The following ZNF117 variants were observed in gnomAD, a reference collection of about 807,000 sequenced individuals.
The protein encoded by ZNF117 is zinc finger protein 117, also known as Krueppel-related zinc finger protein.
In ZNF117, 37 loss-of-function variants were observed where a neutral mutation model predicts 41.2. The observed-to-expected ratio is 0.90, with a 90% CI of 0.69 to 1.18. ZNF117 has a LOEUF of 1.18. ZNF117 is among the 50% of genes most tolerant of loss of function. The pLI is 0.00. For synonymous variants in ZNF117, 186 were observed against 186.6 expected, an observed-to-expected ratio of 1.00 and a Z score of 0.02; for missense variants, 546 against 557.5, an observed-to-expected ratio of 0.98 and a Z score of 0.21.
exon 3 of ZNF117, chr7:64,975,423 T>C (rs1785862787): frequency 6.6e-6 from 1 of 151,816 alleles, no homozygotes; most frequent in Non-Finnish European, 1.5e-5. Flanking sequence ...ATATTATAAA[T>C]TAAACACAAA....
At chr7:64,973,505 G>C (rs1785815512), downstream of ZNF117, 1 of 151,862 alleles carries the variant, frequency 6.6e-6, no homozygotes, top group African/African-American at 2.4e-5. Flanking sequence ...AATGCTAACT[G>C]ATTTAATCCT....
exon 3 of ZNF117, chr7:64,975,539 A>AT (rs1345552259): frequency 6.6e-6 from 1 of 151,642 alleles, no homozygotes; most frequent in Non-Finnish European, 1.5e-5. Flanking sequence ...AGAATGTCTC[A>AT]TATCTTTGAT....
chr7:64,988,103 T>C (rs1786174334), intron 1 of ZNF117, among the ~76,000 whole-genome samples: 1 of 152,122 alleles, frequency 6.6e-6, no homozygotes, highest in East Asian at 1.9e-4. Context: ...CAACTCATTA[T>C]ATAAGAATGT....
intron 1 of ZNF117, among the ~76,000 whole-genome samples, chr7:64,989,662 A>G (rs1020427356): frequency 4.0e-5 from 6 of 151,444 alleles, no homozygotes; most frequent in Middle Eastern, 3.4e-3. Context: ...GAAACAATCA[A>G]CTGAATAAAC....
chr7:64,985,866 C>T (rs367605971), upstream of ZNF117, among the ~76,000 whole-genome samples: 22 of 140,284 alleles, frequency 1.6e-4, 1 homozygote, highest in East Asian at 2.4e-3. Flanking sequence ...AGGCTGAGTA[C>T]ACTTGAACCC....
At chr7:64,989,494 TATATAA>T (rs1187605266) in intron 1 of ZNF117, among the ~76,000 whole-genome samples, 1 of 89,462 alleles carries the variant, frequency 1.1e-5, no homozygotes, top group Non-Finnish European at 2.1e-5. Flanking sequence ...TATATATATA[TATATAA>T]AACCTGAAAA....
exon 3 of ZNF117, chr7:64,979,324 A>T (rs749242594): frequency 6.3e-7 from 1 of 1,592,748 alleles, no homozygotes; most frequent in Non-Finnish European, 8.5e-7. Context: ...TATTTATTAC[A>T]TTGAAATATT....
chr7:64,971,890 CA>C (rs1213256917), downstream of ZNF117: 24 of 151,890 alleles, frequency 1.6e-4, no homozygotes, highest in African/African-American at 5.8e-4. Context: ...ATACAATCAA[CA>C]AAATGAGACA....
intron 1 of ZNF117, among the ~76,000 whole-genome samples, chr7:64,988,169 C>G (rs1295715971): frequency 6.6e-6 from 1 of 152,140 alleles, no homozygotes; most frequent in Non-Finnish European, 1.5e-5. Flanking sequence ...AAACTTTAGG[C>G]CAATATCCTT....
chr7:64,989,481 A>ATATATATG (rs1786212048), intron 1 of ZNF117, among the ~76,000 whole-genome samples: 2 of 93,830 alleles, frequency 2.1e-5, no homozygotes, highest in South Asian at 6.5e-4. Flanking sequence ...ATATATATAT[A>ATATATATG]TATATATATA....
chr7:64,989,364 T>C (rs995336497), intron 1 of ZNF117, among the ~76,000 whole-genome samples: 3 of 147,682 alleles, frequency 2.0e-5, no homozygotes, highest in African/African-American at 5.0e-5. Flanking sequence ...ATGCAGAAGA[T>C]TGAAACTGGA....
chr7:64,977,690 G>T lies in ZNF117; in HGVS notation c.*429C>A, dbSNP rs183549501. ...TATGAATTTTCTTATGTGTAGTAAG[G>T]TTTACGTATAGGTTGAAAGCTTTGC... On this transcript the variant is annotated 3_prime_UTR_variant, in exon 3 of 3. Coordinates refer to ENST00000620222, the Ensembl canonical transcript of ZNF117. The T allele has an allele frequency of 2.4e-3, 1,953 of 797,878 alleles. 10 individuals carry two copies. The highest frequency in any genetic ancestry group is 3.3e-3 in the South Asian group (252 of 76,288). 49.4% of individuals were successfully genotyped at this position (797,878 alleles called of 1,614,324 possible).
exon 3 of ZNF117, chr7:64,975,376 G>A (rs919718399): frequency 2.6e-5 from 4 of 151,880 alleles, no homozygotes; most frequent in African/African-American, 9.7e-5. Context: ...CTAGAATGCA[G>A]AATATTCCTC....
chr7:64,989,796 AG>A (rs938329063), intron 1 of ZNF117, among the ~76,000 whole-genome samples, 150 bp downstream of exon 1: 4 of 150,610 alleles, frequency 2.7e-5, no homozygotes, highest in African/African-American at 9.7e-5. Flanking sequence ...AGAATAAGCC[AG>A]GATCTGTGGC....
chr7:64,978,614 A>T, exon 3 of ZNF117: 1 of 1,605,490 alleles, frequency 6.2e-7, no homozygotes, highest in South Asian at 1.1e-5. Flanking sequence ...GGTCAGTAAG[A>T]TTTGAAAATT....
In ZNF117 at chr7:64,981,971, G is replaced by T; in HGVS notation, c.-63+13C>A. Reference sequence around the variant, plus strand: ...ACCTTTAGGGTATATTAGAAAATGTGTATTGAAGTTACCTTCACCCAAGAA... The same window carrying T: ...ACCTTTAGGGTATATTAGAAAATGTTTATTGAAGTTACCTTCACCCAAGAA... On this transcript the variant is annotated intron_variant, in intron 1 of 2. Coordinates refer to ENST00000620222, the Ensembl canonical transcript of ZNF117. 1 of 594,736 alleles carries T rather than the reference G, an allele frequency of 1.7e-6. No homozygotes were observed. The allele number at this position is 594,736 out of a possible 1,614,324, so 36.8% of individuals were successfully genotyped here. A position where few individuals can be genotyped will look rare whatever the true frequency, so the allele number is the denominator to read the frequency against.
downstream of ZNF117, chr7:64,974,202 T>G (rs1216137919): frequency 6.6e-6 from 1 of 151,890 alleles, no homozygotes; most frequent in African/African-American, 2.4e-5. Flanking sequence ...TGGAAATACA[T>G]CTAAAACTTA....
At chr7:64,972,641 A>C (rs903832412), downstream of ZNF117, 1 of 152,056 alleles carries the variant, frequency 6.6e-6, no homozygotes, top group African/African-American at 2.4e-5. Flanking sequence ...CAAGGTATTT[A>C]GAAAAAAGGG....
At chr7:64,979,210 G>C (rs1274215259) in exon 3 of ZNF117, 1 of 1,609,354 alleles carries the variant, frequency 6.2e-7, no homozygotes, top group Non-Finnish European at 8.5e-7. Context: ...AGGTGTGAAA[G>C]CATGCAAAAT....
Sources: allele counts gnomAD v4.1 joint callset (sites outside exome capture counted in the v4.1 genomes callset), GRCh38; gene constraint gnomAD v4.1.1; transcripts MANE v1.5; gene names NCBI Gene and HGNC (gene_info 2026-07-23, HGNC 2026-07-21).